CPNE5: variants seen among roughly 807,000 people sequenced by gnomAD.
The protein encoded by CPNE5 is copine-5.
A neutral mutation model predicts 81.1 loss-of-function variants in CPNE5; 42 were observed. The ratio of observed to expected loss-of-function variants is 0.52; its 90% CI spans 0.40 to 0.67. The LOEUF is 0.67. Ranked by LOEUF, CPNE5 falls within the 30% of genes least tolerant of loss-of-function variation. The pLI, the probability that CPNE5 is intolerant of heterozygous loss-of-function variation, is 0.00. For missense variants in CPNE5, 612 were observed against 815.5 expected (o/e 0.75, Z 3.04); for synonymous variants, 313 against 321.5 (o/e 0.97, Z 0.28).
chr6:36,791,941 C>A, intron 8 of CPNE5, 92 bp downstream of exon 8: 2 of 1,117,498 alleles, frequency 1.8e-6, no homozygotes, highest in South Asian at 2.5e-5. Flanking sequence ...CCCTGTCTAC[C>A]CTCGGTTCCC....
chr6:36,818,310 C>T (rs1446124703), intron 3 of CPNE5, among the ~76,000 whole-genome samples: 1 of 152,300 alleles, frequency 6.6e-6, no homozygotes, highest in South Asian at 2.1e-4. Flanking sequence ...CCATACTTCC[C>T]TTCTCGTCGT....
At chr6:36,798,303 C>T in intron 5 of CPNE5, 62 bp from the exon 6 acceptor site, 2 of 1,537,218 alleles carry the variant, frequency 1.3e-6, no homozygotes, top group South Asian at 1.1e-5. Flanking sequence ...TATCCCACCT[C>T]CCCCATCGCC....
intron 19 of CPNE5, 145 bp from the exon 20 acceptor site, chr6:36,743,907 G>T (rs1460814590): frequency 1.4e-6 from 1 of 728,702 alleles, no homozygotes; most frequent in African/African-American, 1.8e-5. Flanking sequence ...TGAGGAAACT[G>T]AGGCCAGGGG....
At chr6:36,756,098 A>ACCCCCCCC in intron 13 of CPNE5, 147 bp downstream of exon 13, 2 of 235,638 alleles carry the variant, frequency 8.5e-6, no homozygotes, top group Non-Finnish European at 1.6e-5. Flanking sequence ...CATCTGCCCC[A>ACCCCCCCC]CCCCTCCCCA....
At chr6:36,743,155 A>C (rs1236265220) in intron 20 of CPNE5, 1 of 985,274 alleles carries the variant, frequency 1.0e-6, no homozygotes, top group African/African-American at 1.7e-5. Flanking sequence ...TCTCCTAAGC[A>C]CTAGGGCCTC....
intron 3 of CPNE5, among the ~76,000 whole-genome samples, 188 bp from the exon 4 acceptor site, chr6:36,800,258 G>C (rs907974175): frequency 6.6e-6 from 1 of 152,196 alleles, no homozygotes; most frequent in African/African-American, 2.4e-5. Context: ...GACAGTGGAA[G>C]CCATGTACAG....
chr6:36,807,221 C>A (rs1230669326), intron 3 of CPNE5, among the ~76,000 whole-genome samples: 2 of 152,222 alleles, frequency 1.3e-5, no homozygotes, highest in African/African-American at 4.8e-5. Context: ...CCACATAAAG[C>A]AGTAAAGTGA....
intron 1 of CPNE5, among the ~76,000 whole-genome samples, chr6:36,836,421 G>A (rs2150633221): frequency 6.6e-6 from 1 of 152,258 alleles, no homozygotes; most frequent in South Asian, 2.1e-4. Context: ...AGGAAGGCAA[G>A]TGGAAACAAG....
intron 6 of CPNE5, 41 bp from the exon 7 acceptor site, chr6:36,794,690 A>G: frequency 6.3e-7 from 1 of 1,589,154 alleles, no homozygotes; most frequent in Middle Eastern, 1.7e-4. Context: ...CCATGAGCTG[A>G]GTACCCCCAC....
At position 36,792,097 on chromosome 6, in the gene CPNE5, C is replaced by T. The variant is rs1769148730; in HGVS notation, c.465-1G>A. The T allele has an allele frequency of 6.2e-7, 1 of 1,613,492 alleles. No homozygotes were observed. Among genetic ancestry groups the T allele is most frequent in the Non-Finnish European group, 8.5e-7 (1 of 1,179,586 alleles). ...GCCACATTTCTTTCCTGGGACACCACTGGGAGAGGAGAAGATGAAAGAATG... is the reference window on the plus strand; with the variant it reads ...GCCACATTTCTTTCCTGGGACACCATTGGGAGAGGAGAAGATGAAAGAATG... On this transcript the variant is annotated splice_acceptor_variant, in intron 7 of 20. Transcript: ENST00000244751. LOFTEE classifies it high-confidence loss of function.
chr6:36,774,333 T>C (rs1311166563), intron 10 of CPNE5, among the ~76,000 whole-genome samples: 2 of 151,962 alleles, frequency 1.3e-5, no homozygotes, highest in African/African-American at 4.8e-5. Flanking sequence ...CAGTGAGCTG[T>C]GATGGCGCCA....
chr6:36,828,525 A>G (rs1292617155), intron 1 of CPNE5, among the ~76,000 whole-genome samples: 1 of 152,178 alleles, frequency 6.6e-6, no homozygotes, highest in African/African-American at 2.4e-5. Flanking sequence ...CAAAGCCCAG[A>G]AGTGCTGCAT....
At chr6:36,822,035 GA>G in intron 3 of CPNE5, 78 bp downstream of exon 3, 1 of 1,342,136 alleles carries the variant, frequency 7.5e-7, no homozygotes, top group Non-Finnish European at 1.0e-6. Flanking sequence ...ACATGTCAGG[GA>G]AATTGCTCCC....
Position 36,745,454 on chromosome 6 carries a change from CGGT to C in CPNE5, c.1259_1261del (p.His420del). On this transcript the variant is annotated inframe_deletion, in exon 17 of 21. Coordinates refer to ENST00000244751, the MANE Select transcript of CPNE5 (RefSeq NM_020939.2). ...GTACAGCTGCACAGTGCGCAGGCTG[CGGT>C]GGTAGGCCTCCAGGATGCCGTCGAT... 1 of 1,603,198 alleles carries C rather than the reference CGGT, an allele frequency of 6.2e-7. No individual in the cohort carries two copies. The highest frequency in any genetic ancestry group is 8.5e-7 in the Non-Finnish European group (1 of 1,175,624).
chr6:36,782,774 A>G (rs764239547), intron 8 of CPNE5, among the ~76,000 whole-genome samples: 3 of 151,790 alleles, frequency 2.0e-5, no homozygotes, highest in Non-Finnish European at 4.4e-5. Context: ...AGCCTGGGCA[A>G]CAAGAGCGAG....
At chr6:36,817,059 C>T (rs1197007267) in intron 3 of CPNE5, among the ~76,000 whole-genome samples, 2 of 152,234 alleles carry the variant, frequency 1.3e-5, no homozygotes, top group Non-Finnish European at 2.9e-5. Flanking sequence ...GGTGCAGTGG[C>T]TCACGCCTAT....
intron 1 of CPNE5, among the ~76,000 whole-genome samples, chr6:36,828,353 G>A (rs963921974): frequency 2.6e-5 from 4 of 151,690 alleles, no homozygotes; most frequent in African/African-American, 9.7e-5. Flanking sequence ...AGAGGCTGGG[G>A]TGTACCATCC....
intron 8 of CPNE5, among the ~76,000 whole-genome samples, chr6:36,779,969 T>C (rs1056920118): frequency 2.9e-5 from 1 of 34,382 alleles, no homozygotes; most frequent in African/African-American, 1.0e-4. Context: ...CCCCTTCCTA[T>C]TTTTTTTTTT....
At chr6:36,778,308 A>G (rs1262533315) in intron 9 of CPNE5, among the ~76,000 whole-genome samples, 1 of 152,160 alleles carries the variant, frequency 6.6e-6, no homozygotes, top group African/African-American at 2.4e-5. Context: ...TAGGGAGAAG[A>G]GAGGAGGAAA....
Sources: allele counts gnomAD v4.1 joint callset (sites outside exome capture counted in the v4.1 genomes callset), GRCh38; gene constraint gnomAD v4.1.1; transcripts MANE v1.5; gene names NCBI Gene and HGNC (gene_info 2026-07-23, HGNC 2026-07-21).